The following CTNND2 variants were observed in gnomAD, a reference collection of about 807,000 sequenced individuals.
The protein encoded by CTNND2 is catenin delta 2.
A neutral mutation model predicts 144.4 loss-of-function variants in CTNND2; 22 were observed. The observed-to-expected ratio is 0.15, with a 90% CI of 0.11 to 0.22. CTNND2 has a LOEUF of 0.22. Among genes scored for constraint, CTNND2 ranks in the 10% least tolerant of loss-of-function variants. The probability of loss-of-function intolerance (pLI) is 1.00; values close to 1 mark genes in which losing one functional copy is unlikely to be tolerated. For missense variants in CTNND2, 1,353 were observed against 1,618.8 expected (o/e 0.84, Z 2.82); for synonymous variants, 751 against 695.6 (o/e 1.08, Z -1.25).
intron 2 of CTNND2, among the ~76,000 whole-genome samples, chr5:11,604,041 A>G (rs1179268821): frequency 1.3e-5 from 2 of 152,214 alleles, no homozygotes; most frequent in East Asian, 3.8e-4. Context: ...ATTAAGGCAT[A>G]ACTGAAACTT....
intron 11 of CTNND2, among the ~76,000 whole-genome samples, chr5:11,178,174 T>A (rs1285143174): frequency 6.6e-6 from 1 of 152,204 alleles, no homozygotes; most frequent in Non-Finnish European, 1.5e-5. Flanking sequence ...TAACATACTG[T>A]CACCCATGAT....
At chr5:11,577,920 C>A (rs1778091361) in intron 2 of CTNND2, among the ~76,000 whole-genome samples, 1 of 152,168 alleles carries the variant, frequency 6.6e-6, no homozygotes, top group Non-Finnish European at 1.5e-5. Flanking sequence ...TATTGCACTG[C>A]AAGGATGTTA....
At chr5:11,545,506 C>T (rs1561538639) in intron 3 of CTNND2, among the ~76,000 whole-genome samples, 1 of 149,656 alleles carries the variant, frequency 6.7e-6, no homozygotes, top group East Asian at 2.0e-4. Context: ...ACTAAAAATA[C>T]AAAAAATTAG....
chr5:11,511,821 C>A lies in CTNND2; in HGVS notation c.287+53123G>T, dbSNP rs1018111447. Reference sequence around the variant, plus strand: ...GTTTTCCCGCAGGTGTCATATACCACCTATGCACTACAAACACGCAGCTCA... The same window carrying A: ...GTTTTCCCGCAGGTGTCATATACCAACTATGCACTACAAACACGCAGCTCA... On this transcript the variant is annotated intron_variant, in intron 3 of 21. Coordinates refer to ENST00000304623, the MANE Select transcript of CTNND2 (RefSeq NM_001332.4). Among the ~76,000 whole-genome samples the A allele has an allele frequency of 3.9e-5, 6 of 152,150 alleles. No individual in the cohort carries two copies. The East Asian group carries it at 5.8e-4, about 15-fold the overall frequency.
chr5:11,149,272 T>C (rs2149749405), intron 12 of CTNND2, among the ~76,000 whole-genome samples: 1 of 152,344 alleles, frequency 6.6e-6, no homozygotes, highest in East Asian at 1.9e-4. Flanking sequence ...GACGCTTTCC[T>C]TTGGCAGAAC....
At chr5:11,836,423 C>T (rs920015692) in intron 1 of CTNND2, among the ~76,000 whole-genome samples, 15 of 152,032 alleles carry the variant, frequency 9.9e-5, no homozygotes, top group African/African-American at 3.6e-4. Context: ...GACGTGAGCA[C>T]ATGATCCTTC....
chr5:11,659,029 C>T (rs2561620), intron 2 of CTNND2, among the ~76,000 whole-genome samples: 2 of 152,168 alleles, frequency 1.3e-5, no homozygotes, highest in East Asian at 3.9e-4. Flanking sequence ...GTCAATTGTG[C>T]TTTAATGGTA....
chr5:11,565,116 C>A, intron 2 of CTNND2, 60 bp from the exon 3 acceptor site: 1 of 1,146,110 alleles, frequency 8.7e-7, no homozygotes, highest in Non-Finnish European at 1.3e-6. Context: ...GAAATTCAGA[C>A]CAAAATAATA....
chr5:11,641,554 A>ATATGTACATACATATACGTGTG (rs1464340241), intron 2 of CTNND2, among the ~76,000 whole-genome samples: 6 of 132,748 alleles, frequency 4.5e-5, no homozygotes, highest in Non-Finnish European at 8.2e-5. Flanking sequence ...TACATATGGG[A>ATATGTACATACATATACGTGTG]TATGTACATA....
At chr5:11,452,820 C>T (rs1038794436) in intron 3 of CTNND2, among the ~76,000 whole-genome samples, 1 of 152,114 alleles carries the variant, frequency 6.6e-6, no homozygotes, top group Non-Finnish European at 1.5e-5. Flanking sequence ...TTGAAATACA[C>T]ATAATATGTG....
At chr5:11,159,554 G>T (rs774914779) in intron 12 of CTNND2, 22 bp downstream of exon 12, 1 of 1,572,078 alleles carries the variant, frequency 6.4e-7, no homozygotes, top group Non-Finnish European at 8.7e-7. Context: ...GTGGGAGGAG[G>T]CACTCGTGAC....
chr5:11,493,964 A>C (rs1157986559), intron 3 of CTNND2, among the ~76,000 whole-genome samples: 1 of 152,172 alleles, frequency 6.6e-6, no homozygotes, highest in Non-Finnish European at 1.5e-5. Context: ...ACTTAAATAT[A>C]AATTTTTAGA....
chr5:11,066,371 C>G lies in CTNND2; in HGVS notation c.2788+16325G>C, dbSNP rs988656195. ...TCTTTTAACTTAACCTGAGCATTTC[C>G]TTCCTATTGATCCCAGGCCTTTAGA... On this transcript the variant is annotated intron_variant, in intron 16 of 21. Coordinates refer to ENST00000304623, the MANE Select transcript of CTNND2 (RefSeq NM_001332.4). 1.4e-4 allele frequency among the ~76,000 whole-genome samples: 22 copies of G among 152,192 alleles called. 1 individual carries two copies. The highest frequency in any genetic ancestry group is 2.4e-4 in the Non-Finnish European group (16 of 68,028).
chr5:11,191,541 T>C (rs1399408347), intron 11 of CTNND2, among the ~76,000 whole-genome samples: 4 of 152,192 alleles, frequency 2.6e-5, no homozygotes, highest in Admixed American at 6.5e-5. Context: ...CCCTGCTTGG[T>C]TGCAGGTTGA....
intron 15 of CTNND2, among the ~76,000 whole-genome samples, chr5:11,096,220 G>T (rs1207300845): frequency 6.6e-6 from 1 of 152,054 alleles, no homozygotes; most frequent in African/African-American, 2.4e-5. Context: ...AGAATGTGCA[G>T]GTTTGTTACA....
intron 2 of CTNND2, among the ~76,000 whole-genome samples, chr5:11,710,923 G>A (rs997651720): frequency 1.3e-5 from 2 of 152,092 alleles, no homozygotes; most frequent in African/African-American, 4.8e-5. Context: ...TTAAACATAA[G>A]AAAAACAAGT....
At chr5:11,081,681 G>A (rs977277663) in intron 16 of CTNND2, among the ~76,000 whole-genome samples, 14 of 152,116 alleles carry the variant, frequency 9.2e-5, no homozygotes, top group Non-Finnish European at 2.9e-5. Context: ...TAACTTACTA[G>A]TTTACCATTA....
chr5:11,505,368 A>G (rs991739881), intron 3 of CTNND2, among the ~76,000 whole-genome samples: 7 of 152,220 alleles, frequency 4.6e-5, no homozygotes, highest in African/African-American at 1.7e-4. Context: ...CCACATGCTT[A>G]GAAAAGGCAC....
intron 3 of CTNND2, among the ~76,000 whole-genome samples, chr5:11,518,042 G>A (rs1230576881): frequency 6.6e-6 from 1 of 152,074 alleles, no homozygotes; most frequent in Non-Finnish European, 1.5e-5. Flanking sequence ...ATGGGGTGAT[G>A]TTGCCAAAGG....
Sources: allele counts gnomAD v4.1 joint callset (sites outside exome capture counted in the v4.1 genomes callset), GRCh38; gene constraint gnomAD v4.1.1; transcripts MANE v1.5; gene names NCBI Gene and HGNC (gene_info 2026-07-23, HGNC 2026-07-21).